The following CFAP61 variants were observed in gnomAD, a reference collection of about 807,000 sequenced individuals.
CFAP61 encodes cilia and flagella associated protein 61.
Under a neutral mutation model 135.6 loss-of-function variants are expected in CFAP61, and 107 were observed. The observed-to-expected ratio is 0.79, with a 90% confidence interval of 0.67 to 0.93. The LOEUF is 0.93. Ranked by LOEUF, CFAP61 falls within the 40% of genes least tolerant of loss-of-function variation. The probability of loss-of-function intolerance (pLI) is 0.00; values close to 1 mark genes in which losing one functional copy is unlikely to be tolerated. For synonymous variants in CFAP61, 575 were observed against 578.5 expected (o/e 0.99, Z 0.09); for missense variants, 1,507 against 1,556.2 (o/e 0.97, Z 0.53).
intron 2 of CFAP61, among the ~76,000 whole-genome samples, chr20:20,061,932 A>C (rs1215030251): frequency 1.3e-5 from 2 of 152,198 alleles, no homozygotes; most frequent in South Asian, 2.1e-4. Context: ...TGAACCTGAG[A>C]GTGAACACCT....
intron 9 of CFAP61, among the ~76,000 whole-genome samples, chr20:20,151,067 T>C (rs926603499): frequency 3.3e-5 from 5 of 151,992 alleles, no homozygotes; most frequent in Admixed American, 3.3e-4. Flanking sequence ...AATCTCTGAA[T>C]TGCCAGATAA....
intron 17 of CFAP61, among the ~76,000 whole-genome samples, chr20:20,202,003 T>C (rs1263960885): frequency 1.4e-5 from 2 of 144,524 alleles, no homozygotes; most frequent in African/African-American, 2.5e-5. Flanking sequence ...GAATTTTCAG[T>C]TAGGTGACTT....
intron 7 of CFAP61, among the ~76,000 whole-genome samples, chr20:20,096,693 A>T (rs916172445): frequency 1.3e-5 from 2 of 152,188 alleles, no homozygotes; most frequent in African/African-American, 4.8e-5. Flanking sequence ...TTCTGCACAT[A>T]TGGTAGATGG....
intron 17 of CFAP61, among the ~76,000 whole-genome samples, chr20:20,210,272 C>T (rs1490416233): frequency 6.6e-6 from 1 of 152,214 alleles, no homozygotes; most frequent in Non-Finnish European, 1.5e-5. Context: ...GCACTGATTT[C>T]TCCTTCTTCC....
intron 24 of CFAP61, among the ~76,000 whole-genome samples, chr20:20,297,918 G>A (rs1202274442): frequency 6.6e-6 from 1 of 152,192 alleles, no homozygotes; most frequent in African/African-American, 2.4e-5. Context: ...ATAAAGGGTT[G>A]GTTGTAACCT....
At chr20:20,133,800 A>G (rs1015242332) in intron 8 of CFAP61, among the ~76,000 whole-genome samples, 8 of 152,188 alleles carry the variant, frequency 5.3e-5, no homozygotes, top group Admixed American at 1.3e-4. Flanking sequence ...TGATTTGGGA[A>G]TTGTCAACGT....
intron 8 of CFAP61, among the ~76,000 whole-genome samples, chr20:20,126,628 T>C (rs1183028733): frequency 2.0e-5 from 3 of 151,898 alleles, no homozygotes; most frequent in Non-Finnish European, 4.4e-5. Context: ...TCTGGTACTT[T>C]TGTCTCACAG....
At chr20:20,236,238 T>G (rs2049581250) in intron 18 of CFAP61, among the ~76,000 whole-genome samples, 1 of 152,192 alleles carries the variant, frequency 6.6e-6, no homozygotes, top group Non-Finnish European at 1.5e-5. Context: ...CCTGGGACCC[T>G]GTTCCTGGAG....
chr20:20,079,793 A>G (rs1261173693), intron 6 of CFAP61, among the ~76,000 whole-genome samples: 1 of 152,188 alleles, frequency 6.6e-6, no homozygotes, highest in East Asian at 1.9e-4. Context: ...TACAAATACT[A>G]ATGCAAGCCA....
At chr20:20,281,924 A>G (rs1254049016) in intron 22 of CFAP61, among the ~76,000 whole-genome samples, 2 of 152,206 alleles carry the variant, frequency 1.3e-5, no homozygotes, top group Non-Finnish European at 2.9e-5. Context: ...TTGATAACAA[A>G]TTCATTTTTT....
intron 8 of CFAP61, among the ~76,000 whole-genome samples, chr20:20,131,831 T>TG (rs1377883555): frequency 6.6e-6 from 1 of 152,112 alleles, no homozygotes; most frequent in African/African-American, 2.4e-5. Flanking sequence ...AACTAATGTA[T>TG]GTATTATCAA....
chr20:20,158,971 A>G lies in CFAP61; in HGVS notation c.952-399A>G, dbSNP rs6046672. On this transcript the variant is annotated intron_variant, in intron 9 of 26. Transcript: ENST00000245957. ...CAGTTTTTGCCATTACTTTAATGCA[A>G]TTACTTTTGATATAATTACTTTTGC... Among the ~76,000 whole-genome samples the G allele has an allele frequency of 3.8e-3, 581 of 152,354 alleles. 8 individuals carry two copies. Among genetic ancestry groups the G allele is most frequent in the African/African-American group, 0.013 (534 of 41,586 alleles).
intron 17 of CFAP61, among the ~76,000 whole-genome samples, chr20:20,212,389 G>C (rs1214025638): frequency 2.0e-5 from 3 of 152,052 alleles, no homozygotes; most frequent in Non-Finnish European, 2.9e-5. Flanking sequence ...TTTGGCCCCG[G>C]GGAAGTGCTT....
intron 18 of CFAP61, among the ~76,000 whole-genome samples, chr20:20,240,551 T>C (rs1337209710): frequency 6.6e-6 from 1 of 151,862 alleles, no homozygotes; most frequent in Non-Finnish European, 1.5e-5. Flanking sequence ...CTTCATTCAG[T>C]AAGACCTTGT....
intron 17 of CFAP61, chr20:20,225,595 A>C (rs1468941010): frequency 6.6e-6 from 1 of 152,182 alleles, no homozygotes; most frequent in Non-Finnish European, 1.5e-5. Context: ...ATGAGGTATA[A>C]TTCTTTACTG....
intron 1 of CFAP61, among the ~76,000 whole-genome samples, chr20:20,053,700 CTCTT>C (rs2043968365): frequency 1.3e-5 from 2 of 152,188 alleles, no homozygotes; most frequent in African/African-American, 2.4e-5. Context: ...TTTGCCATAA[CTCTT>C]TATTAACCAT....
Position 20,068,126 on chromosome 20 carries a change from G to A in CFAP61, c.144-2728G>A, listed in dbSNP as rs78802580. 9.4e-3 allele frequency among the ~76,000 whole-genome samples: 1,427 copies of A among 152,254 alleles called. 20 individuals carry two copies. Among genetic ancestry groups the A allele is most frequent in the African/African-American group, 0.032 (1,320 of 41,546 alleles). ...AGGTTCCCATGGATAAATGCATTTC[G>A]TTAGAATTGGATTCCAGGAACACAT... On this transcript the variant is annotated intron_variant, in intron 2 of 26. Coordinates refer to ENST00000245957, the MANE Select transcript of CFAP61 (RefSeq NM_015585.4).
intron 7 of CFAP61, among the ~76,000 whole-genome samples, chr20:20,093,261 C>T (rs1333619745): frequency 6.6e-6 from 1 of 152,032 alleles, no homozygotes; most frequent in East Asian, 1.9e-4. Flanking sequence ...CTAGAATAGA[C>T]ACTTCTGTAG....
intron 8 of CFAP61, among the ~76,000 whole-genome samples, chr20:20,105,725 A>G (rs111626661): frequency 0.091 from 13,740 of 151,444 alleles, 1,636 homozygotes; most frequent in East Asian, 0.63. Context: ...TCCGCCTCCC[A>G]GGTTCACACC....
Sources: gnomAD v4.1 joint callset for allele counts (sites outside exome capture counted in the v4.1 genomes callset) on GRCh38, gnomAD v4.1.1 for gene constraint, MANE v1.5 for transcripts, NCBI Gene and HGNC (gene_info 2026-07-23, HGNC 2026-07-21) for gene names.